Variants in GTF2H5 observed in about 807,000 individuals in gnomAD.
GTF2H5 encodes TFB5 ortholog.
A neutral mutation model predicts 7.1 loss-of-function variants in GTF2H5; 5 were observed. The observed-to-expected ratio is 0.71, with a 90% CI of 0.37 to 1.49. The LOEUF (loss-of-function observed/expected upper bound fraction) is 1.49, where lower values mean the gene tolerates loss of function less well. Ranked by LOEUF, GTF2H5 falls within the 40% of genes most tolerant of loss-of-function variation. The probability of loss-of-function intolerance (pLI) is 0.03; values close to 1 mark genes in which losing one functional copy is unlikely to be tolerated. For synonymous variants in GTF2H5, 30 were observed against 31.7 expected, an observed-to-expected ratio of 0.95 and a Z score of 0.18; for missense variants, 80 against 83.0, an observed-to-expected ratio of 0.96 and a Z score of 0.14.
chr6:158,189,532 C>T (rs1776984762), intron 2 of GTF2H5, among the ~76,000 whole-genome samples: 1 of 152,148 alleles, frequency 6.6e-6, no homozygotes, highest in African/African-American at 2.4e-5. Flanking sequence ...CCTATCCTTC[C>T]TTACCCTCGT....
chr6:158,170,633 T>C (rs1309970635), intron 2 of GTF2H5, 95 bp downstream of exon 2: 3 of 913,386 alleles, frequency 3.3e-6, no homozygotes, highest in African/African-American at 1.6e-5. Flanking sequence ...TTTTAAGATA[T>C]GGATGAAATC....
chr6:158,177,141 C>T (rs776137541), intron 2 of GTF2H5, among the ~76,000 whole-genome samples: 3 of 152,192 alleles, frequency 2.0e-5, no homozygotes, highest in Non-Finnish European at 4.4e-5. Flanking sequence ...AACAGTAAAT[C>T]ATTTGATAGG....
intron 1 of GTF2H5, among the ~76,000 whole-genome samples, chr6:158,169,461 ATT>A (rs1451866945): frequency 2.5e-5 from 2 of 81,020 alleles, no homozygotes; most frequent in Non-Finnish European, 4.1e-5. Flanking sequence ...TATTATATAT[ATT>A]ATATTGTATA....
chr6:158,194,602 A>G lies in GTF2H5; in HGVS notation c.*2445A>G, dbSNP rs554433690. 6.6e-6 allele frequency: 1 copy of G among 152,268 alleles called. No individual in the cohort carries two copies. The highest frequency in any genetic ancestry group is 1.9e-4 in the East Asian group (1 of 5,178). The allele number at this position is 152,268 out of a possible 1,614,324, so 9.4% of individuals were successfully genotyped here. ...AACTTCGTACATTGCTTGCTTCAGTACCTTATGAGTTAATTGGACTCTTTG... is the reference window on the plus strand; with the variant it reads ...AACTTCGTACATTGCTTGCTTCAGTGCCTTATGAGTTAATTGGACTCTTTG... On this transcript the variant is annotated 3_prime_UTR_variant, in exon 3 of 3. Transcript: ENST00000607778.
chr6:158,184,243 GA>G (rs992801163), intron 2 of GTF2H5, among the ~76,000 whole-genome samples: 20 of 146,816 alleles, frequency 1.4e-4, no homozygotes, highest in African/African-American at 1.5e-4. Flanking sequence ...ACAAGAAAAG[GA>G]AAAAAAAAAG....
intron 2 of GTF2H5, among the ~76,000 whole-genome samples, chr6:158,188,369 G>A (rs541079554): frequency 6.6e-6 from 1 of 152,272 alleles, no homozygotes; most frequent in Non-Finnish European, 1.5e-5. Context: ...AATTTTTAAA[G>A]AGTCTGAGTA....
chr6:158,187,711 G>T (rs1218555837), intron 2 of GTF2H5, among the ~76,000 whole-genome samples: 1 of 152,162 alleles, frequency 6.6e-6, no homozygotes, highest in East Asian at 1.9e-4. Flanking sequence ...GGGACTACAG[G>T]TGCCTGCCAC....
In GTF2H5 at chr6:158,196,366, GGATCTCA is replaced by G. The variant is rs1280883898; in HGVS notation, c.*4213_*4219del. 3.9e-5 allele frequency: 6 copies of G among 151,986 alleles called. No individual in the cohort carries two copies. The highest frequency in any genetic ancestry group is 1.2e-4 in the African/African-American group (5 of 41,364). The allele number at this position is 151,986 out of a possible 1,614,324, so 9.4% of individuals were successfully genotyped here. A position where few individuals can be genotyped will look rare whatever the true frequency, so the allele number is the denominator to read the frequency against. On this transcript the variant is annotated 3_prime_UTR_variant, in exon 3 of 3. Coordinates refer to ENST00000607778, the MANE Select transcript of GTF2H5 (RefSeq NM_207118.3). ...GTCAGATCTCTGCTTACTAGCTCTG[GGATCTCA>G]GATGTTTCGTTGATTGGATTTCTTT...
chr6:158,181,117 A>AT (rs1166472339), intron 2 of GTF2H5, among the ~76,000 whole-genome samples: 1 of 151,956 alleles, frequency 6.6e-6, no homozygotes, highest in African/African-American at 2.4e-5. Flanking sequence ...TTCTGCGTTA[A>AT]TTTTGTTATT....
chr6:158,186,511 T>C (rs1055139374), intron 2 of GTF2H5, among the ~76,000 whole-genome samples: 2 of 152,248 alleles, frequency 1.3e-5, no homozygotes, highest in African/African-American at 4.8e-5. Flanking sequence ...GGATCCAAAG[T>C]TTATTTTAAA....
At chr6:158,191,259 G>T (rs957167980) in intron 2 of GTF2H5, among the ~76,000 whole-genome samples, 1 of 152,136 alleles carries the variant, frequency 6.6e-6, no homozygotes, top group African/African-American at 2.4e-5. Flanking sequence ...AACTGGTTTT[G>T]TAAGTTAATT....
rs1231681450 is a variant in GTF2H5 at position 158,169,425 on chromosome 6, A to ATATTATATTGTATATTATATATAATAT, written c.-35+1033_-35+1034insTATATTGTATATTATATATAATATTAT. Among the ~76,000 whole-genome samples the ATATTATATTGTATATTATATATAATAT allele has an allele frequency of 2.5e-4, 18 of 72,846 alleles. No individual in the cohort carries two copies. The East Asian group carries it at 4.4e-3, about 18-fold the overall frequency. 47.8% of individuals were successfully genotyped at this position (72,846 alleles called of 152,430 possible). Reference sequence around the variant, plus strand: ...TATTGTATATTATATATTATATATAATATATTGTATATTATATATATTATA... The same window carrying ATATTATATTGTATATTATATATAATAT: ...TATTGTATATTATATATTATATATAATATTATATTGTATATTATATATAATATTATATTGTATATTATATATATTATA... On this transcript the variant is annotated intron_variant, in intron 1 of 2. Transcript: ENST00000607778.
chr6:158,178,302 C>T (rs571000138), intron 2 of GTF2H5, among the ~76,000 whole-genome samples: 36 of 152,072 alleles, frequency 2.4e-4, no homozygotes, highest in East Asian at 7.7e-4. Context: ...CTGTCTAACA[C>T]GGTGAAACCC....
chr6:158,175,026 G>GTGTGTGTGTGTGTGTGTGTGTATA (rs1562471579), intron 2 of GTF2H5, among the ~76,000 whole-genome samples: 15 of 140,140 alleles, frequency 1.1e-4, no homozygotes, highest in African/African-American at 3.7e-4. Flanking sequence ...GTGTGTGTGT[G>GTGTGTGTGTGTGTGTGTGTGTATA]TGTGTGTGTG....
intron 2 of GTF2H5, among the ~76,000 whole-genome samples, chr6:158,174,380 A>G (rs1177222350): frequency 6.6e-6 from 1 of 152,228 alleles, no homozygotes; most frequent in African/African-American, 2.4e-5. Flanking sequence ...CTAAAGAAGT[A>G]AACCAAATTA....
At chr6:158,185,702 T>C (rs1475287960) in intron 2 of GTF2H5, among the ~76,000 whole-genome samples, 1 of 152,000 alleles carries the variant, frequency 6.6e-6, no homozygotes, top group African/African-American at 2.4e-5. Flanking sequence ...AACATACATT[T>C]TGGGGGAGTA....
At chr6:158,179,727 A>G (rs1250524019) in intron 2 of GTF2H5, among the ~76,000 whole-genome samples, 3 of 151,716 alleles carry the variant, frequency 2.0e-5, no homozygotes, top group Non-Finnish European at 4.4e-5. Context: ...TTATCAGCTT[A>G]AGATTTTGGG....
intron 1 of GTF2H5, among the ~76,000 whole-genome samples, chr6:158,169,371 ATG>A (rs1331656110): frequency 2.0e-5 from 2 of 100,804 alleles, no homozygotes; most frequent in Non-Finnish European, 3.5e-5. Context: ...TATATATAAT[ATG>A]TATATTATAT....
In GTF2H5 at chr6:158,192,147, C is replaced by CA; in HGVS notation, c.206_207insA (p.Gln70ProfsTer28). The stretch of plus-strand genomic sequence containing the variant: ...ATGGACCAAAATGCTTTTTCCCTTA[C>CA]CCAGAAATGAAAATACTCAATATGG... On this transcript the variant is annotated frameshift_variant, in exon 3 of 3. Coordinates refer to ENST00000607778, the MANE Select transcript of GTF2H5 (RefSeq NM_207118.3). LOFTEE classifies it high-confidence loss of function. The CA allele has an allele frequency of 6.2e-7, 1 of 1,611,762 alleles. No individual in the cohort carries two copies.
Sources: gnomAD v4.1 joint callset for allele counts (sites outside exome capture counted in the v4.1 genomes callset) on GRCh38, gnomAD v4.1.1 for gene constraint, MANE v1.5 for transcripts, NCBI Gene and HGNC (gene_info 2026-07-23, HGNC 2026-07-21) for gene names.